The following CDH13 variants were observed in gnomAD, a reference collection of about 807,000 sequenced individuals.
CDH13 encodes the protein cadherin-13.
In CDH13, 24 loss-of-function variants were observed where a neutral mutation model predicts 63.8. That is an observed-to-expected ratio of 0.38 (90% CI 0.27 to 0.53). CDH13 has a LOEUF of 0.53. CDH13 is among the 20% of genes least tolerant of loss of function. CDH13 has a pLI of 0.85. For synonymous variants in CDH13, 503 were observed against 355.3 expected (o/e 1.42, Z -4.67); for missense variants, 1,049 against 903.1 (o/e 1.16, Z -2.07).
intron 2 of CDH13, among the ~76,000 whole-genome samples, chr16:82,968,304 A>G (rs1397686663): frequency 1.3e-5 from 2 of 152,204 alleles, no homozygotes; most frequent in Middle Eastern, 3.4e-3. Context: ...GCCACCTTCC[A>G]CCTTCATGTC....
intron 5 of CDH13, among the ~76,000 whole-genome samples, chr16:83,309,976 A>T (rs1321116644): frequency 6.6e-6 from 1 of 152,216 alleles, no homozygotes; most frequent in Non-Finnish European, 1.5e-5. Flanking sequence ...AGGGAGACAG[A>T]GCTTCAGATG....
At chr16:83,508,099 A>C (rs12922800) in intron 7 of CDH13, among the ~76,000 whole-genome samples, 1 of 59,888 alleles carries the variant, frequency 1.7e-5, no homozygotes, top group African/African-American at 7.3e-5. Context: ...AAGGAAGGAA[A>C]GAAGGAAGGA....
chr16:83,385,980 T>C (rs2091665834), intron 6 of CDH13, among the ~76,000 whole-genome samples: 1 of 152,238 alleles, frequency 6.6e-6, no homozygotes, highest in Non-Finnish European at 1.5e-5. Context: ...GCCAGCCCTA[T>C]ATTCTAGAAC....
chr16:82,789,142 C>T (rs4782729), intron 1 of CDH13, among the ~76,000 whole-genome samples: 122,273 of 152,000 alleles, frequency 0.8, 50,224 homozygotes, highest in East Asian at 0.98. Flanking sequence ...TCACACCCCA[C>T]CCCATCCTAC....
chr16:83,657,054 C>G (rs570021444), intron 8 of CDH13, among the ~76,000 whole-genome samples: 23 of 152,310 alleles, frequency 1.5e-4, no homozygotes, highest in African/African-American at 5.5e-4. Flanking sequence ...GGGCTTCACT[C>G]TTCCATATTC....
intron 6 of CDH13, among the ~76,000 whole-genome samples, chr16:83,414,333 G>A (rs1341177645): frequency 1.3e-5 from 2 of 152,100 alleles, no homozygotes; most frequent in Non-Finnish European, 2.9e-5. Context: ...ATCTTTTAAA[G>A]TATATTCACA....
intron 7 of CDH13, among the ~76,000 whole-genome samples, chr16:83,503,382 G>T (rs1267894407): frequency 6.6e-6 from 1 of 152,200 alleles, no homozygotes; most frequent in Non-Finnish European, 1.5e-5. Context: ...TTCGGATGGG[G>T]TGGGATAACA....
At chr16:83,562,532 A>G (rs185866212) in intron 7 of CDH13, among the ~76,000 whole-genome samples, 4 of 152,330 alleles carry the variant, frequency 2.6e-5, no homozygotes, top group Admixed American at 2.6e-4. Context: ...TCACACATAA[A>G]TCTGCATGAG....
intron 5 of CDH13, among the ~76,000 whole-genome samples, chr16:83,285,678 C>T (rs111655544): frequency 0.014 from 2,103 of 152,144 alleles, 49 homozygotes; most frequent in African/African-American, 0.044. Flanking sequence ...GATACTTTGC[C>T]GCTTTATATA....
chr16:82,640,267 A>G (rs1040844658), intron 1 of CDH13, among the ~76,000 whole-genome samples: 7 of 152,168 alleles, frequency 4.6e-5, no homozygotes, highest in African/African-American at 1.7e-4. Flanking sequence ...GAAATGTGCT[A>G]CCGTTTGTGA....
At chr16:82,795,516 C>T (rs1191943905) in intron 1 of CDH13, among the ~76,000 whole-genome samples, 1 of 152,130 alleles carries the variant, frequency 6.6e-6, no homozygotes, top group Non-Finnish European at 1.5e-5. Flanking sequence ...GGCCACCTGT[C>T]CCACATTATT....
At chr16:83,045,057 C>A (rs1308538989) in intron 3 of CDH13, among the ~76,000 whole-genome samples, 1 of 152,182 alleles carries the variant, frequency 6.6e-6, no homozygotes, top group African/African-American at 2.4e-5. Context: ...CCTCTCTTAT[C>A]TGCAACTCCC....
chr16:83,531,700 A>T (rs959235067), intron 7 of CDH13, among the ~76,000 whole-genome samples: 1 of 152,142 alleles, frequency 6.6e-6, no homozygotes, highest in African/African-American at 2.4e-5. Flanking sequence ...CTAACCCAGA[A>T]ATGAATTCAG....
intron 7 of CDH13, among the ~76,000 whole-genome samples, chr16:83,519,270 TC>T (rs1195550434): frequency 6.6e-6 from 1 of 152,180 alleles, no homozygotes; most frequent in African/African-American, 2.4e-5. Context: ...CAGGCCTGTT[TC>T]CGCCCTAGCA....
chr16:82,853,252 T>C (rs953206929), intron 1 of CDH13, among the ~76,000 whole-genome samples: 1 of 152,238 alleles, frequency 6.6e-6, no homozygotes, highest in African/African-American at 2.4e-5. Context: ...TTCTGCTGTC[T>C]GATTCCCTGC....
chr16:83,628,431 G>C (rs1184316203), intron 8 of CDH13, among the ~76,000 whole-genome samples: 1 of 152,058 alleles, frequency 6.6e-6, no homozygotes, highest in Non-Finnish European at 1.5e-5. Flanking sequence ...TTTTATGTTT[G>C]TCACATCGCT....
chr16:82,952,483 T>C (rs1273554232), intron 2 of CDH13, among the ~76,000 whole-genome samples: 2 of 152,228 alleles, frequency 1.3e-5, no homozygotes, highest in South Asian at 2.1e-4. Flanking sequence ...ATGGCTCTAA[T>C]GTGAGTTCAG....
At chr16:83,457,246 C>G (rs991946669) in intron 6 of CDH13, among the ~76,000 whole-genome samples, 1 of 152,172 alleles carries the variant, frequency 6.6e-6, no homozygotes, top group African/African-American at 2.4e-5. Flanking sequence ...CAAGAATACA[C>G]ATGAAACACT....
chr16:83,709,503 C>T (rs1907680827), intron 10 of CDH13, among the ~76,000 whole-genome samples: 1 of 152,224 alleles, frequency 6.6e-6, no homozygotes, highest in African/African-American at 2.4e-5. Flanking sequence ...GGCCTCTGCA[C>T]AGGAATTGCA....
Sources: gnomAD v4.1 joint callset for allele counts (sites outside exome capture counted in the v4.1 genomes callset) on GRCh38, gnomAD v4.1.1 for gene constraint, MANE v1.5 for transcripts, NCBI Gene and HGNC (gene_info 2026-07-23, HGNC 2026-07-21) for gene names.